Variants in ABLIM1 observed in about 807,000 individuals in gnomAD.
ABLIM1 encodes the protein actin binding LIM protein 1.
In ABLIM1, 40 loss-of-function variants were observed where a neutral mutation model predicts 107.0. The observed-to-expected ratio is 0.37, with a 90% CI of 0.29 to 0.49. ABLIM1 has a LOEUF of 0.49. Among genes scored for constraint, ABLIM1 ranks in the 20% least tolerant of loss-of-function variants. The probability of loss-of-function intolerance (pLI) is 0.97; values close to 1 mark genes in which losing one functional copy is unlikely to be tolerated. For synonymous variants in ABLIM1, 357 were observed against 357.3 expected (o/e 1.00, Z 0.01); for missense variants, 857 against 1,008.5 (o/e 0.85, Z 2.04).
At chr10:114,710,453 A>C (rs189212146) in intron 1 of ABLIM1, among the ~76,000 whole-genome samples, 98 of 152,298 alleles carry the variant, frequency 6.4e-4, no homozygotes, top group Non-Finnish European at 1.0e-3. Flanking sequence ...AAACCATCAG[A>C]TCTCATGAGA....
rs962500453 is a variant in ABLIM1 at position 114,658,251 on chromosome 10, G to C, written c.-51C>G. 8.3e-6 allele frequency: 13 copies of C among 1,563,672 alleles called. No homozygotes were observed. The highest frequency in any genetic ancestry group is 1.0e-5 in the Non-Finnish European group (12 of 1,151,664). On this transcript the variant is annotated 5_prime_UTR_variant, in exon 1 of 23. Coordinates refer to ENST00000533213, the MANE Select transcript of ABLIM1 (RefSeq NM_002313.7). Reference sequence around the variant, plus strand: ...GAAATGGGGAGTGGGGACCCAAGGAGCGGTGCTGCCCCACAATTCTCTCTG... The same window carrying C: ...GAAATGGGGAGTGGGGACCCAAGGACCGGTGCTGCCCCACAATTCTCTCTG...
chr10:114,655,904 C>T lies in ABLIM1; in HGVS notation c.244+2053G>A, dbSNP rs575817713. 1.1e-4 allele frequency among the ~76,000 whole-genome samples: 17 copies of T among 152,304 alleles called. 1 individual carries two copies. In the South Asian group the frequency reaches 2.9e-3, roughly 26 times the overall value. On this transcript the variant is annotated intron_variant, in intron 1 of 22. Transcript: ENST00000533213. ...GAGCACTGATCTGCTTGTCAGCCCT[C>T]TCTGTCCCAGCCAAAGCTCTGTATA...
At chr10:114,549,370 C>T (rs1230211254) in intron 4 of ABLIM1, among the ~76,000 whole-genome samples, 1 of 152,062 alleles carries the variant, frequency 6.6e-6, no homozygotes, top group South Asian at 2.1e-4. Flanking sequence ...GCAACAAGAA[C>T]GAAGCTCCGT....
chr10:114,670,165 A>G (rs886645016), intron 1 of ABLIM1, among the ~76,000 whole-genome samples: 3 of 152,294 alleles, frequency 2.0e-5, no homozygotes, highest in Admixed American at 1.3e-4. Context: ...ACATCACACA[A>G]GGTTCCTTGA....
intron 2 of ABLIM1, among the ~76,000 whole-genome samples, chr10:114,584,733 A>C (rs2073998563): frequency 6.6e-6 from 1 of 152,242 alleles, no homozygotes; most frequent in Non-Finnish European, 1.5e-5. Flanking sequence ...TTTCTGGGAA[A>C]GATGATAGTT....
At chr10:114,543,675 C>A (rs1162876331) in intron 6 of ABLIM1, among the ~76,000 whole-genome samples, 3 of 152,224 alleles carry the variant, frequency 2.0e-5, no homozygotes, top group Non-Finnish European at 4.4e-5. Flanking sequence ...CAGCTACAAG[C>A]AGTTCAATGG....
intron 14 of ABLIM1, among the ~76,000 whole-genome samples, chr10:114,449,886 G>A (rs1418915539): frequency 6.6e-6 from 1 of 152,084 alleles, no homozygotes; most frequent in Admixed American, 6.5e-5. Flanking sequence ...TGCTCTGGCT[G>A]GGCTATTTTT....
chr10:114,723,785 T>C (rs2081901183), intron 1 of ABLIM1, among the ~76,000 whole-genome samples: 1 of 147,760 alleles, frequency 6.8e-6, no homozygotes, highest in African/African-American at 2.5e-5. Flanking sequence ...TTTGTACCTC[T>C]TTATATTGTA....
chr10:114,486,241 G>A (rs149457842), intron 8 of ABLIM1, among the ~76,000 whole-genome samples: 20 of 152,214 alleles, frequency 1.3e-4, no homozygotes, highest in African/African-American at 4.3e-4. Flanking sequence ...GCAAACTCAA[G>A]CAATCCTGAT....
intron 6 of ABLIM1, among the ~76,000 whole-genome samples, chr10:114,524,448 A>T (rs1364814109): frequency 1.3e-5 from 2 of 152,226 alleles, no homozygotes; most frequent in Non-Finnish European, 2.9e-5. Flanking sequence ...TAAAAAAATC[A>T]AAACAGTTTG....
chr10:114,583,468 C>CATATATATATATAT lies in ABLIM1; in HGVS notation c.380-7883_380-7870dup, dbSNP rs140129654. 5.3e-3 allele frequency among the ~76,000 whole-genome samples: 79 copies of CATATATATATATAT among 14,884 alleles called. 1 individual carries two copies. The highest frequency in any genetic ancestry group is 0.011 in the East Asian group (2 of 178). The allele number at this position is 14,884 out of a possible 152,430, so 9.8% of individuals were successfully genotyped here. A position where few individuals can be genotyped will look rare whatever the true frequency, so the allele number is the denominator to read the frequency against. ...ACACACACACACACACACACACACA[C>CATATATATATATAT]ATATATATATATATATATATATATA... On this transcript the variant is annotated intron_variant, in intron 2 of 22. Transcript: ENST00000533213.
At chr10:114,710,665 C>G (rs2081529147) in intron 1 of ABLIM1, among the ~76,000 whole-genome samples, 1 of 152,104 alleles carries the variant, frequency 6.6e-6, no homozygotes. Context: ...ACTTGTAGTC[C>G]CAGCTACTTG....
chr10:114,499,821 C>G (rs2060153881), intron 6 of ABLIM1, among the ~76,000 whole-genome samples: 1 of 152,136 alleles, frequency 6.6e-6, no homozygotes, highest in African/African-American at 2.4e-5. Flanking sequence ...CTGTTATGCT[C>G]CTGCAGAAAG....
chr10:114,642,629 A>T (rs2078802942), intron 1 of ABLIM1, among the ~76,000 whole-genome samples: 1 of 152,184 alleles, frequency 6.6e-6, no homozygotes, highest in Admixed American at 6.5e-5. Context: ...GTATTCAAAG[A>T]TTAAATACAC....
In ABLIM1 at chr10:114,603,969, AAAAAG is replaced by A. The variant is rs1374344153; in HGVS notation, c.245-2013_245-2009del. ...ACTTTGTCTCAAAAAAAAAAAAAAA[AAAAAG>A]TTTTCCTTAAAAATATCTGCCTTAA... On this transcript the variant is annotated intron_variant, in intron 1 of 22. Coordinates refer to ENST00000533213, the MANE Select transcript of ABLIM1 (RefSeq NM_002313.7). 3.3e-5 allele frequency among the ~76,000 whole-genome samples: 5 copies of A among 152,040 alleles called. No homozygotes were observed. The East Asian group carries it at 5.8e-4, about 18-fold the overall frequency.
chr10:114,650,321 T>G (rs374876075), intron 1 of ABLIM1, among the ~76,000 whole-genome samples: 2 of 152,240 alleles, frequency 1.3e-5, no homozygotes, highest in African/African-American at 2.4e-5. Flanking sequence ...AGGGATTTCT[T>G]TGAAAGTAAG....
chr10:114,734,005 C>T (rs1055651590), intron 1 of ABLIM1, among the ~76,000 whole-genome samples: 1 of 152,082 alleles, frequency 6.6e-6, no homozygotes, highest in Non-Finnish European at 1.5e-5. Flanking sequence ...GGATTACAGG[C>T]GTGTGCCACC....
chr10:114,518,135 A>C (rs1457380878), intron 6 of ABLIM1, among the ~76,000 whole-genome samples: 2 of 152,184 alleles, frequency 1.3e-5, no homozygotes, highest in African/African-American at 4.8e-5. Context: ...ATTTGTATAA[A>C]AGAATACATG....
chr10:114,500,741 G>T (rs12771331), intron 6 of ABLIM1, among the ~76,000 whole-genome samples: 1 of 92,592 alleles, frequency 1.1e-5, no homozygotes, highest in Non-Finnish European at 2.3e-5. Context: ...AGGAAGGGAA[G>T]GGAAGGGAAG....
Sources: gnomAD v4.1 joint callset for allele counts (sites outside exome capture counted in the v4.1 genomes callset) on GRCh38, gnomAD v4.1.1 for gene constraint, MANE v1.5 for transcripts, NCBI Gene and HGNC (gene_info 2026-07-23, HGNC 2026-07-21) for gene names.